LRRK1: variants seen among roughly 807,000 people sequenced by gnomAD.
LRRK1 encodes the protein leucine-rich repeat serine/threonine-protein kinase 1.
In LRRK1, 113 loss-of-function variants were observed where a neutral mutation model predicts 209.1. That is an observed-to-expected ratio of 0.54 (90% confidence interval 0.46 to 0.63). LRRK1 has a LOEUF of 0.63. LRRK1 is among the 30% of genes least tolerant of loss of function. The pLI, the probability that LRRK1 is intolerant of heterozygous loss-of-function variation, is 0.00. For synonymous variants in LRRK1, 1,144 were observed against 1,099.7 expected (o/e 1.04, Z -0.80); for missense variants, 2,284 against 2,632.2 (o/e 0.87, Z 2.89).
At chr15:100,968,730 T>C (rs2030652803) in intron 2 of LRRK1, among the ~76,000 whole-genome samples, 1 of 143,882 alleles carries the variant, frequency 7.0e-6, no homozygotes, top group African/African-American at 2.6e-5. Context: ...TCCCTTCCCT[T>C]CCCTTCCCTT....
At chr15:100,942,016 A>G (rs997032031) in intron 2 of LRRK1, among the ~76,000 whole-genome samples, 21 of 152,160 alleles carry the variant, frequency 1.4e-4, no homozygotes, top group African/African-American at 5.1e-4. Flanking sequence ...CGGTCTTCTC[A>G]GGTCACTTCT....
At chr15:101,058,172 T>C in intron 29 of LRRK1, 31 bp downstream of exon 29, 1 of 1,609,232 alleles carries the variant, frequency 6.2e-7, no homozygotes. Flanking sequence ...CTGCCCCCTT[T>C]GTATTTGGGG....
intron 1 of LRRK1, among the ~76,000 whole-genome samples, chr15:100,921,458 C>G (rs1250961967): frequency 2.0e-5 from 3 of 152,230 alleles, no homozygotes; most frequent in East Asian, 3.8e-4. Context: ...ATGGGCTAAC[C>G]ATTTTGACCA....
rs1359706557 is a variant in LRRK1 at position 101,075,410 on chromosome 15, T to A, written c.*6562T>A. 1 of 122,730 alleles carries A rather than the reference T, an allele frequency of 8.1e-6. No individual in the cohort carries two copies. The highest frequency in any genetic ancestry group is 1.7e-5 in the Non-Finnish European group (1 of 59,878). The allele number at this position is 122,730 out of a possible 1,614,324, so 7.6% of individuals were successfully genotyped here. A position where few individuals can be genotyped will look rare whatever the true frequency, so the allele number is the denominator to read the frequency against. ...CAAAGCCTCCTTTGTGTCCTCCTCT[T>A]GTATCCCCCGACCTTAACCCATAAG... On this transcript the variant is annotated 3_prime_UTR_variant, in exon 34 of 34. Coordinates refer to ENST00000388948, the MANE Select transcript of LRRK1 (RefSeq NM_024652.6).
In LRRK1 at chr15:100,952,818, C is replaced by G. The variant is rs554504465; in HGVS notation, c.98-20986C>G. On this transcript the variant is annotated intron_variant, in intron 2 of 33. Transcript: ENST00000388948. ...ACTCGGCTGCCTCCAGGTTTTAAGT[C>G]TGCGTCATAAAGCTTACATCTTACT... Among the ~76,000 whole-genome samples the G allele has an allele frequency of 2.0e-5, 3 of 152,318 alleles. No individual in the cohort carries two copies. In the East Asian group the frequency reaches 5.8e-4, roughly 29 times the overall value.
intron 2 of LRRK1, among the ~76,000 whole-genome samples, chr15:100,972,726 C>A (rs1014407449): frequency 2.6e-5 from 4 of 152,098 alleles, no homozygotes; most frequent in Non-Finnish European, 4.4e-5. Flanking sequence ...AAAACAATAA[C>A]CCAATTTGCT....
At chr15:101,042,084 T>C (rs1376801581) in intron 20 of LRRK1, among the ~76,000 whole-genome samples, 5 of 152,230 alleles carry the variant, frequency 3.3e-5, no homozygotes, top group Non-Finnish European at 7.3e-5. Context: ...ATCAATAGTC[T>C]TTTAAGAAAT....
chr15:100,983,074 C>A (rs2031691263), intron 3 of LRRK1, among the ~76,000 whole-genome samples: 1 of 152,146 alleles, frequency 6.6e-6, no homozygotes, highest in Non-Finnish European at 1.5e-5. Flanking sequence ...ACGCAGGAAG[C>A]TGAGGCAGGG....
intron 2 of LRRK1, among the ~76,000 whole-genome samples, chr15:100,960,273 A>C (rs1215499578): frequency 1.7e-5 from 1 of 59,744 alleles, no homozygotes; most frequent in Admixed American, 2.4e-4. Context: ...CTACGTTCAT[A>C]TTGCTTTTTT....
At chr15:101,037,822 A>C (rs2034555914) in intron 20 of LRRK1, among the ~76,000 whole-genome samples, 1 of 152,196 alleles carries the variant, frequency 6.6e-6, no homozygotes, top group African/African-American at 2.4e-5. Context: ...AGATTTCTTA[A>C]AGAACTAAAA....
intron 6 of LRRK1, among the ~76,000 whole-genome samples, chr15:101,006,041 AC>A (rs1356602005): frequency 6.6e-6 from 1 of 152,120 alleles, no homozygotes; most frequent in Non-Finnish European, 1.5e-5. Flanking sequence ...TCAGAATATC[AC>A]CCCATAGATT....
intron 2 of LRRK1, among the ~76,000 whole-genome samples, chr15:100,955,867 A>G (rs1054721390): frequency 6.6e-6 from 1 of 152,066 alleles, no homozygotes; most frequent in Non-Finnish European, 1.5e-5. Flanking sequence ...GATTTTTTTA[A>G]TGTGCTGTTG....
intron 2 of LRRK1, among the ~76,000 whole-genome samples, chr15:100,941,442 G>A (rs1394694406): frequency 7.3e-6 from 1 of 137,574 alleles, no homozygotes; most frequent in Admixed American, 7.3e-5. Context: ...GTGTGTGTGT[G>A]TGTCTGTGTG....
chr15:101,050,382 G>A (rs1210840762), intron 23 of LRRK1, among the ~76,000 whole-genome samples: 2 of 152,162 alleles, frequency 1.3e-5, no homozygotes, highest in Non-Finnish European at 2.9e-5. Flanking sequence ...TGCTCCTGGG[G>A]TGGAGACGAC....
chr15:101,010,638 C>T, intron 8 of LRRK1, 36 bp from the exon 9 acceptor site: 1 of 1,568,996 alleles, frequency 6.4e-7, no homozygotes, highest in South Asian at 1.2e-5. Context: ...GATATTTTTA[C>T]CAATTCATAC....
Position 100,973,841 on chromosome 15 carries a change from C to T in LRRK1, c.135C>T (p.Gly45=), listed in dbSNP as rs377386363. The change falls in exon 3 of 34, where the codon GGC becomes GGT. Residue 45 remains glycine, a synonymous_variant. Transcript: ENST00000388948. ...CGGGCGGCAAGCCGTCCACGCGGGG[C>T]GGTGACCCTGCAGCGCGGTCCCGCA... ...GDTGGKPSTR[G]GDPAARSRRT... 253 of 1,294,202 alleles carry T rather than the reference C, an allele frequency of 2.0e-4. 2 individuals carry two copies. The highest frequency in any genetic ancestry group is 9.1e-4 in the East Asian group (29 of 31,964). 80.2% of individuals were successfully genotyped at this position (1,294,202 alleles called of 1,614,324 possible).
At chr15:101,018,911 A>C (rs2033661296) in intron 12 of LRRK1, among the ~76,000 whole-genome samples, 1 of 152,200 alleles carries the variant, frequency 6.6e-6, no homozygotes, top group African/African-American at 2.4e-5. Flanking sequence ...GGAATTATCT[A>C]CAAAAGACAG....
chr15:100,947,157 C>T (rs1037742633), intron 2 of LRRK1, among the ~76,000 whole-genome samples: 1 of 151,882 alleles, frequency 6.6e-6, no homozygotes, highest in Non-Finnish European at 1.5e-5. Context: ...CGGGGTTTCA[C>T]CATGTTGGCC....
chr15:100,973,043 G>A (rs1328975618), intron 2 of LRRK1, among the ~76,000 whole-genome samples: 2 of 152,220 alleles, frequency 1.3e-5, no homozygotes, highest in Non-Finnish European at 2.9e-5. Flanking sequence ...TGGAAGCTCG[G>A]GGAGGGCGAG....
Sources: gnomAD v4.1 joint callset for allele counts (sites outside exome capture counted in the v4.1 genomes callset) on GRCh38, gnomAD v4.1.1 for gene constraint, MANE v1.5 for transcripts, NCBI Gene and HGNC (gene_info 2026-07-23, HGNC 2026-07-21) for gene names.